Variants in LDAH observed in about 807,000 individuals in gnomAD.
LDAH encodes the protein lipid droplet-associated hydrolase.
LDAH carries 26 observed loss-of-function variants against 29.6 expected under a neutral mutation model. The observed-to-expected ratio is 0.88, with a 90% CI of 0.64 to 1.22. The LOEUF is 1.22. Ranked by LOEUF, LDAH falls within the 50% of genes most tolerant of loss-of-function variation. The pLI is 0.00. For missense variants in LDAH, 344 were observed against 387.3 expected (o/e 0.89, Z 0.94); for synonymous variants, 117 against 133.0 (o/e 0.88, Z 0.83).
In LDAH at chr2:20,685,451, G is replaced by A; in HGVS notation, c.*1452C>T. 1.4e-6 allele frequency: 2 copies of A among 1,473,044 alleles called. No homozygotes were observed. The highest frequency in any genetic ancestry group is 1.8e-6 in the Non-Finnish European group (2 of 1,100,958). The allele number at this position is 1,473,044 out of a possible 1,614,324, so 91.2% of individuals were successfully genotyped here. A position where few individuals can be genotyped will look rare whatever the true frequency, so the allele number is the denominator to read the frequency against. ...ATTAGCTCTTCCCCTTGGGCTAACA[G>A]CACTCCTTGTCTGGAGCTTGGCTTT... On this transcript the variant is annotated 3_prime_UTR_variant, in exon 7 of 7. Coordinates refer to ENST00000237822, the MANE Select transcript of LDAH (RefSeq NM_021925.4).
rs888894983 is a variant in LDAH, at chr2:20,789,470, G to T, written c.298+785C>A. 102 of 1,359,708 alleles carry T rather than the reference G, an allele frequency of 7.5e-5. 1 individual carries two copies. The Middle Eastern group carries it at 8.0e-4, about 11-fold the overall frequency. 84.2% of individuals were successfully genotyped at this position (1,359,708 alleles called of 1,614,324 possible). ...AAAGCTACTTAGTCTATGGTATTTTGCTATAGCAGCCCAAACTGACTAAGA... is the reference window on the plus strand; with the variant it reads ...AAAGCTACTTAGTCTATGGTATTTTTCTATAGCAGCCCAAACTGACTAAGA... On this transcript the variant is annotated intron_variant, in intron 3 of 6. Transcript: ENST00000237822.
intron 6 of LDAH, among the ~76,000 whole-genome samples, chr2:20,694,577 T>A (rs1472877546): frequency 6.6e-6 from 1 of 152,226 alleles, no homozygotes; most frequent in Non-Finnish European, 1.5e-5. Flanking sequence ...CTGGCTCAAT[T>A]ACCATTCTTG....
Position 20,742,721 on chromosome 2 carries a change from A to G in LDAH, c.469-2516T>C, listed in dbSNP as rs148634091. ...AAAGTGGGGTTCTTGTAAACAACAT[A>G]CAGTTGAGTCTTGTTTTTTGATCCA... On this transcript the variant is annotated intron_variant, in intron 4 of 6. Transcript: ENST00000237822. Among the ~76,000 whole-genome samples the G allele has an allele frequency of 1.6e-3, 249 of 151,876 alleles. 1 individual carries two copies. Among genetic ancestry groups the G allele is most frequent in the African/African-American group, 5.9e-3 (243 of 41,418 alleles).
At chr2:20,728,085 C>A (rs931098850) in intron 5 of LDAH, among the ~76,000 whole-genome samples, 8 of 152,082 alleles carry the variant, frequency 5.3e-5, no homozygotes, top group Non-Finnish European at 8.8e-5. Flanking sequence ...ACAACAACAA[C>A]AAAAATGTGT....
chr2:20,701,516 G>T, intron 6 of LDAH, 54 bp downstream of exon 6: 2 of 1,430,678 alleles, frequency 1.4e-6, no homozygotes, highest in Non-Finnish European at 9.9e-7. Flanking sequence ...CTTTGCCCTC[G>T]TATCTCTGCC....
At chr2:20,769,431 C>T (rs1669259724) in intron 4 of LDAH, among the ~76,000 whole-genome samples, 1 of 152,174 alleles carries the variant, frequency 6.6e-6, no homozygotes, top group Admixed American at 6.5e-5. Context: ...CAGATTATCT[C>T]AACTGTTAAA....
At chr2:20,795,464 T>C (rs1187001909) in intron 2 of LDAH, among the ~76,000 whole-genome samples, 1 of 152,218 alleles carries the variant, frequency 6.6e-6, no homozygotes. Context: ...TATCTCCATA[T>C]GACCTCCTAA....
chr2:20,751,801 C>T (rs942859420), intron 4 of LDAH, among the ~76,000 whole-genome samples: 1 of 152,114 alleles, frequency 6.6e-6, no homozygotes, highest in African/African-American at 2.4e-5. Context: ...TTGTAATTTG[C>T]TTAGAGCTAA....
intron 6 of LDAH, among the ~76,000 whole-genome samples, chr2:20,700,322 T>C (rs1400548059): frequency 6.6e-6 from 1 of 152,166 alleles, no homozygotes; most frequent in East Asian, 1.9e-4. Context: ...ATGACCACTA[T>C]GGCCATGAGA....
At chr2:20,730,853 A>C (rs1666352307) in intron 5 of LDAH, among the ~76,000 whole-genome samples, 1 of 152,186 alleles carries the variant, frequency 6.6e-6, no homozygotes, top group Non-Finnish European at 1.5e-5. Context: ...AGTTGGGCAC[A>C]CTTGTGTGGG....
Position 20,685,983 on chromosome 2 carries a change from A to C in LDAH, c.*920T>G, listed in dbSNP as rs1662531232. ...CACTAGAAGATTTCCAGAAGAAAAGAATCATTAAGTAGCTAAGAACTCCAT... is the reference window on the plus strand; with the variant it reads ...CACTAGAAGATTTCCAGAAGAAAAGCATCATTAAGTAGCTAAGAACTCCAT... On this transcript the variant is annotated 3_prime_UTR_variant, in exon 7 of 7. Coordinates refer to ENST00000237822, the MANE Select transcript of LDAH (RefSeq NM_021925.4). 1 of 219,742 alleles carries C rather than the reference A, an allele frequency of 4.6e-6. No individual in the cohort carries two copies. The highest frequency in any genetic ancestry group is 2.3e-5 in the African/African-American group (1 of 43,264). The allele number at this position is 219,742 out of a possible 1,614,324, so 13.6% of individuals were successfully genotyped here.
At chr2:20,745,946 A>T (rs1208472727) in intron 4 of LDAH, among the ~76,000 whole-genome samples, 3 of 152,152 alleles carry the variant, frequency 2.0e-5, no homozygotes, top group African/African-American at 7.2e-5. Flanking sequence ...GTGCAAAGGC[A>T]GTTAGGGGGT....
At chr2:20,724,517 G>A (rs566695160) in intron 5 of LDAH, among the ~76,000 whole-genome samples, 240 of 152,316 alleles carry the variant, frequency 1.6e-3, no homozygotes, top group Non-Finnish European at 2.7e-3. Flanking sequence ...TTTGGAAAGC[G>A]GGGTGGGGAG....
intron 1 of LDAH, among the ~76,000 whole-genome samples, chr2:20,817,424 AACT>A (rs1417923995): frequency 6.6e-6 from 1 of 151,994 alleles, no homozygotes; most frequent in Non-Finnish European, 1.5e-5. Context: ...ACAAGCAAAA[AACT>A]ACAACACATC....
chr2:20,703,510 TTAAA>T (rs1260645968), intron 5 of LDAH, among the ~76,000 whole-genome samples: 1 of 152,270 alleles, frequency 6.6e-6, no homozygotes, highest in Non-Finnish European at 1.5e-5. Flanking sequence ...CTATTCTTAC[TTAAA>T]TAATATACTT....
chr2:20,690,957 A>G (rs1000025064), intron 6 of LDAH, among the ~76,000 whole-genome samples: 59 of 152,300 alleles, frequency 3.9e-4, no homozygotes, highest in African/African-American at 1.4e-3. Context: ...GAGGCTTAGC[A>G]AGATTAACCT....
At chr2:20,810,898 C>A (rs980463374) in intron 1 of LDAH, among the ~76,000 whole-genome samples, 1 of 152,162 alleles carries the variant, frequency 6.6e-6, no homozygotes, top group Non-Finnish European at 1.5e-5. Flanking sequence ...GAGAAACTAA[C>A]GCCCAGTGAT....
At chr2:20,743,835 C>T (rs1667380360) in intron 4 of LDAH, among the ~76,000 whole-genome samples, 1 of 150,332 alleles carries the variant, frequency 6.7e-6, no homozygotes, top group Non-Finnish European at 1.5e-5. Flanking sequence ...CTAGTATTCC[C>T]CTTATGCATA....
rs572304051 is a variant in LDAH at position 20,724,557 on chromosome 2, G to C, written c.703+15414C>G. ...TGGTCCAAGAGCTGACATCATGATG[G>C]AGGCCAGAACTAGAGGCTGAAGCAC... is the stretch of plus-strand genomic sequence containing the variant. On this transcript the variant is annotated intron_variant, in intron 5 of 6. Transcript: ENST00000237822. Among the ~76,000 whole-genome samples, 542 of 152,292 alleles carry C rather than the reference G, an allele frequency of 3.6e-3. 4 individuals are homozygous for C. The highest frequency in any genetic ancestry group is 0.013 in the African/African-American group (523 of 41,564).
Sources: gnomAD v4.1 joint callset for allele counts (sites outside exome capture counted in the v4.1 genomes callset) on GRCh38, gnomAD v4.1.1 for gene constraint, MANE v1.5 for transcripts, NCBI Gene and HGNC (gene_info 2026-07-23, HGNC 2026-07-21) for gene names.